CTNNA3: variants seen among roughly 807,000 people sequenced by gnomAD.
CTNNA3 encodes the protein catenin alpha 3.
CTNNA3 carries 76 observed loss-of-function variants against 95.7 expected under a neutral mutation model. The ratio of observed to expected loss-of-function variants is 0.79; its 90% CI spans 0.66 to 0.96. CTNNA3 has a LOEUF of 0.96. Ranked by LOEUF, CTNNA3 falls within the 40% of genes least tolerant of loss-of-function variation. The pLI, the probability that CTNNA3 is intolerant of heterozygous loss-of-function variation, is 0.00. For missense variants in CTNNA3, 1,191 were observed against 1,089.8 expected (o/e 1.09, Z -1.31); for synonymous variants, 431 against 374.4 (o/e 1.15, Z -1.74).
At chr10:65,978,923 GTA>G (rs922239274) in intron 16 of CTNNA3, among the ~76,000 whole-genome samples, 19 of 152,094 alleles carry the variant, frequency 1.2e-4, no homozygotes, top group Non-Finnish European at 4.4e-5. Flanking sequence ...ACCTATAGAA[GTA>G]TGATTAAAAA....
At chr10:67,206,864 C>A (rs1221488634) in intron 6 of CTNNA3, among the ~76,000 whole-genome samples, 1 of 152,112 alleles carries the variant, frequency 6.6e-6, no homozygotes, top group Non-Finnish European at 1.5e-5. Context: ...CTCAAAACAA[C>A]TCACGCCTGT....
At chr10:67,335,830 T>C (rs1275533602) in intron 5 of CTNNA3, among the ~76,000 whole-genome samples, 4 of 152,168 alleles carry the variant, frequency 2.6e-5, no homozygotes, top group African/African-American at 9.7e-5. Context: ...TGTGTGTAAA[T>C]GTGTGTATAT....
At chr10:67,312,159 G>A (rs1232956258) in intron 5 of CTNNA3, among the ~76,000 whole-genome samples, 4 of 150,504 alleles carry the variant, frequency 2.7e-5, no homozygotes, top group Non-Finnish European at 5.9e-5. Flanking sequence ...TGCAGCCTCT[G>A]CCTCCGGGGT....
chr10:66,005,372 T>G (rs1193927022), intron 15 of CTNNA3, among the ~76,000 whole-genome samples: 1 of 142,712 alleles, frequency 7.0e-6, no homozygotes, highest in Non-Finnish European at 1.6e-5. Flanking sequence ...AAGCAGTCAG[T>G]TGGGATAAAT....
chr10:67,339,432 T>G (rs1842103015), intron 5 of CTNNA3, among the ~76,000 whole-genome samples: 1 of 152,120 alleles, frequency 6.6e-6, no homozygotes, highest in Non-Finnish European at 1.5e-5. Context: ...AAAATTAGGA[T>G]ATACACGATA....
intron 1 of CTNNA3, among the ~76,000 whole-genome samples, chr10:67,735,386 T>C (rs919833235): frequency 6.6e-6 from 1 of 152,028 alleles, no homozygotes; most frequent in African/African-American, 2.4e-5. Flanking sequence ...CAATGGACAA[T>C]TATGCAGTCA....
chr10:66,880,894 A>G (rs1470484180), intron 7 of CTNNA3, among the ~76,000 whole-genome samples: 1 of 152,154 alleles, frequency 6.6e-6, no homozygotes, highest in African/African-American at 2.4e-5. Flanking sequence ...AAGTTCTTTC[A>G]GTTTTCTAAC....
At chr10:67,507,311 C>T (rs935198853) in intron 5 of CTNNA3, among the ~76,000 whole-genome samples, 7 of 152,078 alleles carry the variant, frequency 4.6e-5, no homozygotes, top group African/African-American at 1.4e-4. Context: ...AGGTGGATCA[C>T]GACGTCAGCA....
At chr10:66,430,975 A>C (rs1180581293) in intron 11 of CTNNA3, among the ~76,000 whole-genome samples, 3 of 152,184 alleles carry the variant, frequency 2.0e-5, no homozygotes, top group South Asian at 4.1e-4. Flanking sequence ...CAACCTACAG[A>C]ATGGGAGAAA....
At chr10:66,390,411 A>G (rs1007516021) in intron 11 of CTNNA3, among the ~76,000 whole-genome samples, 1 of 152,164 alleles carries the variant, frequency 6.6e-6, no homozygotes. Flanking sequence ...GGAAGAAGAG[A>G]GAAAAAGATA....
At chr10:67,518,196 T>C (rs1234997008) in intron 5 of CTNNA3, among the ~76,000 whole-genome samples, 1 of 152,176 alleles carries the variant, frequency 6.6e-6, no homozygotes, top group Non-Finnish European at 1.5e-5. Flanking sequence ...ACTACATGGA[T>C]TCTCAATGAG....
intron 4 of CTNNA3, among the ~76,000 whole-genome samples, chr10:67,535,891 G>A (rs1312740441): frequency 1.3e-5 from 2 of 152,012 alleles, no homozygotes; most frequent in Non-Finnish European, 2.9e-5. Flanking sequence ...TTCCTGAAGT[G>A]GGTTTCAGAA....
intron 17 of CTNNA3, among the ~76,000 whole-genome samples, chr10:65,961,619 T>G (rs1342374438): frequency 6.6e-6 from 1 of 152,114 alleles, no homozygotes; most frequent in Admixed American, 6.5e-5. Flanking sequence ...CATTCTCTTT[T>G]TCATAGAAAC....
intron 7 of CTNNA3, among the ~76,000 whole-genome samples, chr10:66,972,773 C>T (rs1247100865): frequency 1.4e-5 from 2 of 140,420 alleles, no homozygotes; most frequent in Non-Finnish European, 3.0e-5. Context: ...TGCAATGGTG[C>T]AATCTCGGCT....
chr10:66,412,159 C>T (rs147750944), intron 11 of CTNNA3, among the ~76,000 whole-genome samples: 2 of 152,150 alleles, frequency 1.3e-5, no homozygotes, highest in African/African-American at 4.8e-5. Context: ...TTCGATATTC[C>T]AGCAAGATAA....
At chr10:67,747,388 A>G (rs575027895) in intron 1 of CTNNA3, among the ~76,000 whole-genome samples, 25 of 152,164 alleles carry the variant, frequency 1.6e-4, no homozygotes, top group Non-Finnish European at 3.5e-4. Context: ...ACCCTTTAGG[A>G]CAGAGATTCC....
chr10:66,092,151 G>A (rs1005775387), intron 14 of CTNNA3, among the ~76,000 whole-genome samples: 1 of 151,752 alleles, frequency 6.6e-6, no homozygotes, highest in South Asian at 2.1e-4. Flanking sequence ...AGCAAATTTA[G>A]TTAGTTTTAC....
intron 7 of CTNNA3, among the ~76,000 whole-genome samples, chr10:67,096,579 G>A (rs1333854922): frequency 6.6e-6 from 1 of 151,822 alleles, no homozygotes; most frequent in African/African-American, 2.4e-5. Context: ...AGGACTGAAG[G>A]TTCCTGAAAT....
chr10:66,346,117 T>C (rs1384910818), intron 12 of CTNNA3, among the ~76,000 whole-genome samples: 1 of 149,522 alleles, frequency 6.7e-6, no homozygotes, highest in Non-Finnish European at 1.5e-5. Context: ...TTGGAAACCA[T>C]TGCCTTCTGT....
Sources: allele counts gnomAD v4.1 joint callset (sites outside exome capture counted in the v4.1 genomes callset), GRCh38; gene constraint gnomAD v4.1.1; transcripts MANE v1.5; gene names NCBI Gene and HGNC (gene_info 2026-07-23, HGNC 2026-07-21).